The following SLC38A9 variants were observed in gnomAD, a reference collection of about 807,000 sequenced individuals.
The protein encoded by SLC38A9 is neutral amino acid transporter 9.
A neutral mutation model predicts 62.3 loss-of-function variants in SLC38A9; 48 were observed. The observed-to-expected ratio is 0.77, with a 90% CI of 0.61 to 0.98. The LOEUF (loss-of-function observed/expected upper bound fraction) is 0.98. Among genes scored for constraint, SLC38A9 ranks in the 50% least tolerant of loss-of-function variants. The pLI is 0.00. For missense variants in SLC38A9, 541 were observed against 679.8 expected (o/e 0.80, Z 2.27); for synonymous variants, 204 against 227.7 (o/e 0.90, Z 0.94).
At chr5:55,651,508 A>C (rs1467434294) in intron 10 of SLC38A9, among the ~76,000 whole-genome samples, 2 of 151,998 alleles carry the variant, frequency 1.3e-5, no homozygotes, top group Non-Finnish European at 2.9e-5. Context: ...TCAGCCTCCC[A>C]AAGTGTTGGG....
At chr5:55,656,623 G>C in intron 9 of SLC38A9, 92 bp downstream of exon 9, 1 of 830,422 alleles carries the variant, frequency 1.2e-6, no homozygotes, top group Non-Finnish European at 2.0e-6. Context: ...TCTACTAATC[G>C]TTTACCTAAA....
chr5:55,701,375 T>C (rs1451140751), intron 2 of SLC38A9, among the ~76,000 whole-genome samples: 2 of 152,250 alleles, frequency 1.3e-5, no homozygotes, highest in African/African-American at 2.4e-5. Flanking sequence ...AGTGTTTTCC[T>C]ATTTCAGTTG....
intron 4 of SLC38A9, among the ~76,000 whole-genome samples, chr5:55,670,599 T>G (rs376290931): frequency 2.5e-4 from 38 of 152,348 alleles, no homozygotes; most frequent in African/African-American, 8.4e-4. Context: ...ACATCACTGT[T>G]TATATATTTT....
At chr5:55,671,038 T>C (rs1266629930) in intron 4 of SLC38A9, among the ~76,000 whole-genome samples, 2 of 152,242 alleles carry the variant, frequency 1.3e-5, no homozygotes, top group African/African-American at 4.8e-5. Context: ...CACTGGTCCT[T>C]ATTAAATGTT....
At chr5:55,635,394 G>A (rs1370184713) in intron 13 of SLC38A9, 150 bp downstream of exon 13, 3 of 685,624 alleles carry the variant, frequency 4.4e-6, no homozygotes, top group Admixed American at 4.5e-5. Context: ...AAAAGGGAAG[G>A]TGCCTAAATT....
At chr5:55,665,823 C>T (rs1239984675) in intron 7 of SLC38A9, among the ~76,000 whole-genome samples, 2 of 151,636 alleles carry the variant, frequency 1.3e-5, no homozygotes, top group Admixed American at 6.6e-5. Flanking sequence ...ATTAGCCAGG[C>T]GTGACAGCGT....
At chr5:55,706,547 A>ATGTG (rs1245414953) in intron 2 of SLC38A9, among the ~76,000 whole-genome samples, 3 of 152,226 alleles carry the variant, frequency 2.0e-5, no homozygotes. Context: ...TTAGTCACCT[A>ATGTG]TGTGTATTTG....
chr5:55,659,378 G>GT (rs35686566), intron 8 of SLC38A9, among the ~76,000 whole-genome samples: 56,135 of 117,526 alleles, frequency 0.48, 13,569 homozygotes, highest in South Asian at 0.59. Flanking sequence ...AACTGGAAAG[G>GT]TTTTTTTTTT....
intron 9 of SLC38A9, 132 bp downstream of exon 9, chr5:55,656,583 T>G: frequency 1.5e-6 from 1 of 655,572 alleles, no homozygotes; most frequent in African/African-American, 1.9e-5. Flanking sequence ...TACCAACAAT[T>G]TAGTAGCAGC....
At chr5:55,663,393 G>C (rs1305641223) in intron 8 of SLC38A9, among the ~76,000 whole-genome samples, 1 of 150,372 alleles carries the variant, frequency 6.7e-6, no homozygotes, top group African/African-American at 2.5e-5. Context: ...ATTTATATTA[G>C]CTTTTGCATT....
chr5:55,678,848 A>G (rs965251116), intron 3 of SLC38A9, among the ~76,000 whole-genome samples: 7 of 151,234 alleles, frequency 4.6e-5, no homozygotes, highest in African/African-American at 1.7e-4. Flanking sequence ...TTTTGTAGAG[A>G]TGAGGTCTTG....
intron 3 of SLC38A9, among the ~76,000 whole-genome samples, chr5:55,680,566 G>A (rs1752858351): frequency 6.6e-6 from 1 of 151,552 alleles, no homozygotes; most frequent in South Asian, 2.1e-4. Context: ...TCAAATGCCA[G>A]TGCCTTGATC....
intron 3 of SLC38A9, among the ~76,000 whole-genome samples, chr5:55,683,181 C>T (rs1371837644): frequency 6.6e-6 from 1 of 152,106 alleles, no homozygotes; most frequent in Non-Finnish European, 1.5e-5. Context: ...GAAAAGAAGG[C>T]TAGGAGTAAA....
chr5:55,710,498 C>T (rs1401566034), intron 2 of SLC38A9, among the ~76,000 whole-genome samples: 1 of 152,104 alleles, frequency 6.6e-6, no homozygotes, highest in African/African-American at 2.4e-5. Flanking sequence ...CGTTAGCCAC[C>T]GCAATCCGCC....
chr5:55,635,431 T>C, intron 13 of SLC38A9, 113 bp downstream of exon 13: 2 of 760,756 alleles, frequency 2.6e-6, no homozygotes, highest in East Asian at 2.7e-5. Context: ...ATAGCAGAGA[T>C]GGTATTAAAA....
chr5:55,652,741 C>A lies in SLC38A9; in HGVS notation c.758-18G>T. The A allele has an allele frequency of 6.3e-7, 1 of 1,587,486 alleles. No individual in the cohort carries two copies. The highest frequency in any genetic ancestry group is 1.1e-5 in the South Asian group (1 of 88,142). On this transcript the variant is annotated intron_variant, in intron 9 of 15. Transcript: ENST00000396865. ...ACAAATCACTGCAATAGGAAAGCAC[C>A]AGATTAAAGAAGATGACAAAAAACA... is the stretch of plus-strand genomic sequence containing the variant.
At position 55,653,722 on chromosome 5, in the gene SLC38A9, G is replaced by A. The variant is rs1374648931; in HGVS notation, c.758-999C>T. On this transcript the variant is annotated intron_variant, in intron 9 of 15. Transcript: ENST00000396865. Reference sequence around the variant, plus strand: ...CACCCAGGCTGGAGTGCAGTGGTGCGATCTCGGCTCACTGCAACCTCTGCC... The same window carrying A: ...CACCCAGGCTGGAGTGCAGTGGTGCAATCTCGGCTCACTGCAACCTCTGCC... Among the ~76,000 whole-genome samples, 52 of 151,702 alleles carry A rather than the reference G, an allele frequency of 3.4e-4. 1 individual carries two copies. Among genetic ancestry groups the A allele is most frequent in the Admixed American group, 3.4e-3 (51 of 15,212 alleles).
intron 12 of SLC38A9, among the ~76,000 whole-genome samples, chr5:55,639,007 G>T (rs559257163): frequency 3.9e-5 from 6 of 152,000 alleles, no homozygotes; most frequent in Admixed American, 1.3e-4. Flanking sequence ...CCTTTTTTTG[G>T]TAAGATACGA....
At chr5:55,684,483 G>C (rs1039170142) in intron 3 of SLC38A9, among the ~76,000 whole-genome samples, 2 of 152,200 alleles carry the variant, frequency 1.3e-5, no homozygotes, top group African/African-American at 4.8e-5. Flanking sequence ...TTCAGTTCCT[G>C]AAAGGAGGCC....
Sources: allele counts gnomAD v4.1 joint callset (sites outside exome capture counted in the v4.1 genomes callset), GRCh38; gene constraint gnomAD v4.1.1; transcripts MANE v1.5; gene names NCBI Gene and HGNC (gene_info 2026-07-23, HGNC 2026-07-21).